Variants in NT5C2 observed in about 807,000 individuals in gnomAD.
The protein encoded by NT5C2 is cytosolic purine 5'-nucleotidase.
In NT5C2, 58 loss-of-function variants were observed where a neutral mutation model predicts 76.1. The ratio of observed to expected loss-of-function variants is 0.76; its 90% CI spans 0.62 to 0.95. The LOEUF (loss-of-function observed/expected upper bound fraction) is 0.95. NT5C2 is among the 40% of genes least tolerant of loss of function. The pLI, the probability that NT5C2 is intolerant of heterozygous loss-of-function variation, is 0.00. For synonymous variants in NT5C2, 229 were observed against 237.4 expected, an observed-to-expected ratio of 0.96 and a Z score of 0.32; for missense variants, 478 against 690.3, an observed-to-expected ratio of 0.69 and a Z score of 3.45.
chr10:103,170,448 G>C (rs2087627780), intron 3 of NT5C2, among the ~76,000 whole-genome samples: 1 of 151,446 alleles, frequency 6.6e-6, no homozygotes, highest in Non-Finnish European at 1.5e-5. Context: ...AAATATTCCA[G>C]GAAATACCAT....
chr10:103,130,368 A>G (rs1354879301), intron 4 of NT5C2, among the ~76,000 whole-genome samples: 4 of 151,718 alleles, frequency 2.6e-5, no homozygotes, highest in Non-Finnish European at 4.4e-5. Flanking sequence ...ATGCTCGTTA[A>G]GAGTCATCAC....
intron 4 of NT5C2, among the ~76,000 whole-genome samples, chr10:103,125,678 A>T (rs748248282): frequency 6.6e-6 from 1 of 152,326 alleles, no homozygotes; most frequent in Non-Finnish European, 1.5e-5. Context: ...AAGTAACAAT[A>T]CTAATGGAAA....
intron 3 of NT5C2, among the ~76,000 whole-genome samples, chr10:103,166,601 A>G (rs1167518641): frequency 6.6e-6 from 1 of 150,568 alleles, no homozygotes; most frequent in Non-Finnish European, 1.5e-5. Context: ...AAGCATTAGA[A>G]TGATAAAAAA....
At chr10:103,095,865 C>T (rs1162418460) in intron 12 of NT5C2, 74 bp downstream of exon 12, 3 of 1,359,978 alleles carry the variant, frequency 2.2e-6, no homozygotes, top group Non-Finnish European at 3.1e-6. Flanking sequence ...CAATTCTTTC[C>T]CCCTTAATAT....
At chr10:103,100,554 G>A (rs756443621) in intron 8 of NT5C2, 12 of 408,366 alleles carry the variant, frequency 2.9e-5, no homozygotes, top group Non-Finnish European at 5.4e-5. Context: ...TCTCCCTAAA[G>A]GGAGAGGATA....
chr10:103,171,400 C>A (rs925696681), intron 3 of NT5C2, among the ~76,000 whole-genome samples: 6 of 152,134 alleles, frequency 3.9e-5, no homozygotes, highest in Non-Finnish European at 7.4e-5. Context: ...CTACATAAAC[C>A]AGTTTAGCCA....
At chr10:103,118,517 C>T (rs1380607323) in intron 4 of NT5C2, among the ~76,000 whole-genome samples, 1 of 152,030 alleles carries the variant, frequency 6.6e-6, no homozygotes, top group East Asian at 1.9e-4. Context: ...CCACGCTCAA[C>T]TAATTTTTGC....
intron 3 of NT5C2, among the ~76,000 whole-genome samples, chr10:103,167,578 A>T (rs1448981255): frequency 6.6e-6 from 1 of 152,010 alleles, no homozygotes; most frequent in Non-Finnish European, 1.5e-5. Context: ...TCTACATATA[A>T]CCTGATACCT....
At position 103,151,474 on chromosome 10, in the gene NT5C2, A is replaced by C. The variant is rs540324698; in HGVS notation, c.102-11995T>G. ...AGTGAAACCTGTTCTTAAAAAAAAA[A>C]AAAAACACTAGCCTCTCGCCATTGA... On this transcript the variant is annotated intron_variant, in intron 3 of 18. Coordinates refer to ENST00000404739, the MANE Select transcript of NT5C2 (RefSeq NM_001351169.2). 2.3e-3 allele frequency among the ~76,000 whole-genome samples: 350 copies of C among 151,440 alleles called. 1 individual carries two copies. The highest frequency in any genetic ancestry group is 7.4e-3 in the African/African-American group (307 of 41,346).
chr10:103,104,719 T>A (rs770864029), intron 6 of NT5C2, among the ~76,000 whole-genome samples: 2 of 152,336 alleles, frequency 1.3e-5, no homozygotes, highest in Non-Finnish European at 2.9e-5. Flanking sequence ...GATGCTTCAA[T>A]TCTAAGGGGC....
chr10:103,131,875 T>A (rs748738676), intron 4 of NT5C2, among the ~76,000 whole-genome samples: 1 of 152,054 alleles, frequency 6.6e-6, no homozygotes, highest in African/African-American at 2.4e-5. Context: ...TGAACCATGA[T>A]TGCACCACTG....
At chr10:103,090,891 T>C in intron 17 of NT5C2, 45 bp downstream of exon 17, 1 of 1,604,252 alleles carries the variant, frequency 6.2e-7, no homozygotes, top group South Asian at 1.1e-5. Context: ...GAAAAAAGCA[T>C]TTAAACTTAT....
intron 3 of NT5C2, among the ~76,000 whole-genome samples, chr10:103,167,202 G>A (rs887251184): frequency 6.6e-6 from 1 of 151,876 alleles, no homozygotes; most frequent in African/African-American, 2.4e-5. Flanking sequence ...TCTTTAAGTA[G>A]AGATGGGGTT....
chr10:103,097,498 T>G, intron 10 of NT5C2, 124 bp from the exon 11 acceptor site: 1 of 749,806 alleles, frequency 1.3e-6, no homozygotes, highest in Admixed American at 2.5e-5. Flanking sequence ...TTAGCTGATT[T>G]CAGAATTTTG....
At position 103,139,493 on chromosome 10, in the gene NT5C2, T is replaced by A; in HGVS notation, c.102-14A>T. 9 of 1,475,532 alleles carry A rather than the reference T, an allele frequency of 6.1e-6. No homozygotes were observed. Among genetic ancestry groups the A allele is most frequent in the Non-Finnish European group, 8.3e-6 (9 of 1,080,352 alleles). 91.4% of individuals were successfully genotyped at this position (1,475,532 alleles called of 1,614,324 possible). On this transcript the variant is annotated splice_polypyrimidine_tract_variant and intron_variant, in intron 3 of 18. Transcript: ENST00000404739. ...TTCACAAACACCCTATAGAAAATAA[T>A]AAAAAATAATATCTCAACACTGGAA...
intron 6 of NT5C2, among the ~76,000 whole-genome samples, chr10:103,102,375 G>A (rs944525203): frequency 3.3e-5 from 5 of 152,042 alleles, no homozygotes; most frequent in Non-Finnish European, 1.5e-5. Flanking sequence ...TGAAGCACTC[G>A]GCCAACAGCC....
At chr10:103,168,263 TATG>T (rs954320092) in intron 3 of NT5C2, among the ~76,000 whole-genome samples, 3 of 152,182 alleles carry the variant, frequency 2.0e-5, no homozygotes. Flanking sequence ...TTCAGTTCAA[TATG>T]ATAAAACCAC....
chr10:103,191,526 T>G (rs962372744), intron 1 of NT5C2, among the ~76,000 whole-genome samples: 2 of 152,360 alleles, frequency 1.3e-5, no homozygotes, highest in East Asian at 3.8e-4. Context: ...TATTGTAATC[T>G]GGCTTTCTTT....
chr10:103,092,906 T>TTAACTTAACC (rs1554925101), intron 15 of NT5C2, among the ~76,000 whole-genome samples: 55 of 152,174 alleles, frequency 3.6e-4, no homozygotes, highest in African/African-American at 1.2e-3. Context: ...CATTCTAAAC[T>TTAACTTAACC]TAACCTCGAA....
Sources: allele counts gnomAD v4.1 joint callset (sites outside exome capture counted in the v4.1 genomes callset), GRCh38; gene constraint gnomAD v4.1.1; transcripts MANE v1.5; gene names NCBI Gene and HGNC (gene_info 2026-07-23, HGNC 2026-07-21).